HMGA1: variants seen among roughly 807,000 people sequenced by gnomAD.
HMGA1 encodes the protein high mobility group protein HMG-I/HMG-Y.
In HMGA1, 1 loss-of-function variant was observed where a neutral mutation model predicts 15.1. The observed-to-expected ratio is 0.07, with a 90% CI of 0.02 to 0.31. The LOEUF is 0.31. HMGA1 is among the 10% of genes least tolerant of loss of function. The probability of loss-of-function intolerance (pLI) is 1.00; values close to 1 mark genes in which losing one functional copy is unlikely to be tolerated. For missense variants in HMGA1, 94 were observed against 141.4 expected (o/e 0.66, Z 1.70); for synonymous variants, 56 against 54.8 (o/e 1.02, Z -0.10).
At chr6:34,237,429 T>A (rs1447757165) in intron 2 of HMGA1, 112 bp downstream of exon 2, 1 of 140,814 alleles carries the variant, frequency 7.1e-6, no homozygotes, top group Admixed American at 7.0e-5. Flanking sequence ...CGCCGCCGGC[T>A]TTATTCCCAG....
chr6:34,238,442 A>G lies in HMGA1; in HGVS notation c.-45+1125A>G, dbSNP rs146816571. Among the ~76,000 whole-genome samples, 1,001 of 152,286 alleles carry G rather than the reference A, an allele frequency of 6.6e-3. 14 individuals carry two copies. Among genetic ancestry groups the G allele is most frequent in the African/African-American group, 0.022 (924 of 41,562 alleles). ...GGAACCTACTTCTTCCTGCTCGCCA[A>G]CTTGCTGTGTGACCTTAGGCAACTC... On this transcript the variant is annotated intron_variant, in intron 2 of 5. Transcript: ENST00000311487.
chr6:34,236,988 CTTCT>C (rs1347113705), intron 1 of HMGA1, 25 bp downstream of exon 1: 1 of 152,284 alleles, frequency 6.6e-6, no homozygotes, highest in Non-Finnish European at 1.5e-5. Flanking sequence ...GCTCCGGTGG[CTTCT>C]TTTTTTTATA....
At chr6:34,239,005 G>T (rs1455830561) in intron 2 of HMGA1, 1 of 152,156 alleles carries the variant, frequency 6.6e-6, no homozygotes, top group Non-Finnish European at 1.5e-5. Context: ...TTTGAAGGGG[G>T]ACCTGTGGTG....
chr6:34,243,261 C>T (rs570157283), intron 4 of HMGA1, among the ~76,000 whole-genome samples: 6 of 151,836 alleles, frequency 4.0e-5, no homozygotes, highest in South Asian at 2.1e-4. Context: ...GAGTCATGGG[C>T]GGAGGTGGGA....
chr6:34,242,228 AG>A (rs1438771076), intron 3 of HMGA1, among the ~76,000 whole-genome samples: 1 of 152,180 alleles, frequency 6.6e-6, no homozygotes, highest in Non-Finnish European at 1.5e-5. Context: ...AAGTGCAGGC[AG>A]GGAGTGTGTG....
chr6:34,240,620 G>A (rs1208117009), intron 2 of HMGA1, 117 bp from the exon 3 acceptor site: 28 of 820,754 alleles, frequency 3.4e-5, no homozygotes, highest in Non-Finnish European at 5.2e-5. Context: ...AGAGTAGGAG[G>A]CCTGGGGGCC....
At chr6:34,240,352 A>G (rs945845791) in intron 2 of HMGA1, among the ~76,000 whole-genome samples, 2 of 152,118 alleles carry the variant, frequency 1.3e-5, no homozygotes, top group African/African-American at 4.8e-5. Flanking sequence ...GCAGTTGACT[A>G]CAGAAGGAGG....
chr6:34,242,689 G>A (rs781000875), intron 3 of HMGA1, 23 bp from the exon 4 acceptor site: 11 of 1,527,108 alleles, frequency 7.2e-6, no homozygotes, highest in Middle Eastern at 3.8e-4. Context: ...GACTGTCCCT[G>A]ACTACCCCCT....
intron 4 of HMGA1, 93 bp from the exon 5 acceptor site, chr6:34,243,375 C>T (rs1165543390): frequency 1.0e-6 from 1 of 961,310 alleles, no homozygotes; most frequent in Non-Finnish European, 1.6e-6. Flanking sequence ...TCACCCTGAA[C>T]AGGCAGGTAG....
rs1489010548 is a variant in HMGA1 at position 34,244,739 on chromosome 6, CCAGGGAGTG to C, written c.271-84_271-76del. On this transcript the variant is annotated intron_variant, in intron 5 of 5. Transcript: ENST00000311487. Reference sequence around the variant, plus strand: ...CCTGACTCATCCCTCTTCAGGAGAGCCAGGGAGTGCAGGGAGCGGGTGGGGCCAGCCTCT... The same window carrying C: ...CCTGACTCATCCCTCTTCAGGAGAGCCAGGGAGCGGGTGGGGCCAGCCTCT... The C allele has an allele frequency of 1.7e-5, 17 of 1,022,078 alleles. No homozygotes were observed. The African/African-American group carries it at 2.4e-4, about 14-fold the overall frequency. 63.3% of individuals were successfully genotyped at this position (1,022,078 alleles called of 1,614,324 possible). A position where few individuals can be genotyped will look rare whatever the true frequency, so the allele number is the denominator to read the frequency against.
At position 34,242,779 on chromosome 6, in the gene HMGA1, G is replaced by T; in HGVS notation, c.203G>T (p.Gly68Val). 6.3e-7 allele frequency: 1 copy of T among 1,589,982 alleles called. No homozygotes were observed. The highest frequency in any genetic ancestry group is 1.1e-5 in the South Asian group (1 of 87,824). ...RGRPKGSKNK[G>V]AAKTRKTTTT... ...CGACCAAAGGGAAGCAAAAACAAGG[G>T]TGCTGCCAAGACCCGGGTGAGACTT... The change falls in exon 4 of 6, where the codon GGT (glycine) becomes GTT (valine). Residue 68 changes from glycine to valine, a missense_variant. Coordinates refer to ENST00000311487, the MANE Select transcript of HMGA1 (RefSeq NM_145899.3).
chr6:34,243,396 C>T, intron 4 of HMGA1, 72 bp from the exon 5 acceptor site: 1 of 1,187,942 alleles, frequency 8.4e-7, no homozygotes, highest in Middle Eastern at 2.7e-4. Context: ...GTCTGCCCCC[C>T]ATCACTATTG....
At position 34,239,950 on chromosome 6, in the gene HMGA1, T is replaced by A. The variant is rs183778437; in HGVS notation, c.-44-787T>A. ...AGGCGGTGCATTTCAGTTGGAGAAT[T>A]CCCTACCCATCTGACAAAGTCCCAT... On this transcript the variant is annotated intron_variant, in intron 2 of 5. Coordinates refer to ENST00000311487, the MANE Select transcript of HMGA1 (RefSeq NM_145899.3). 5.5e-3 allele frequency among the ~76,000 whole-genome samples: 834 copies of A among 152,154 alleles called. 9 individuals carry two copies. The highest frequency in any genetic ancestry group is 0.024 in the Middle Eastern group (7 of 294).
At chr6:34,243,395 C>G (rs1215341797) in intron 4 of HMGA1, 73 bp from the exon 5 acceptor site, 2 of 1,174,654 alleles carry the variant, frequency 1.7e-6, no homozygotes, top group East Asian at 2.4e-5. Flanking sequence ...GGTCTGCCCC[C>G]CATCACTATT....
chr6:34,243,557 CTT>C, intron 5 of HMGA1, 39 bp downstream of exon 5: 1 of 1,458,878 alleles, frequency 6.9e-7, no homozygotes, highest in Non-Finnish European at 9.2e-7. Context: ...CTCCTGGGCT[CTT>C]TTGAGTTGAG....
Position 34,245,176 on chromosome 6 carries a change from T to G in HMGA1, c.*292T>G, listed in dbSNP as rs1169285970. ...CTCCTGGACAAGGCTAACATCCCAC[T>G]TAGCCGCACCCTGCACCTGCTGCGT... is the stretch of plus-strand genomic sequence containing the variant. On this transcript the variant is annotated 3_prime_UTR_variant, in exon 6 of 6. Transcript: ENST00000311487. 1 of 1,434,358 alleles carries G rather than the reference T, an allele frequency of 7.0e-7. No homozygotes were observed. Among genetic ancestry groups the G allele is most frequent in the Non-Finnish European group, 9.2e-7 (1 of 1,082,128 alleles). The allele number at this position is 1,434,358 out of a possible 1,614,324, so 88.9% of individuals were successfully genotyped here.
intron 3 of HMGA1, 135 bp downstream of exon 3, chr6:34,241,050 C>A: frequency 2.0e-6 from 2 of 1,022,454 alleles, no homozygotes; most frequent in Non-Finnish European, 3.0e-6. Flanking sequence ...GGTGTGTCCT[C>A]CCACCTGTGT....
At chr6:34,242,871 G>A in intron 4 of HMGA1, 76 bp downstream of exon 4, 4 of 1,133,842 alleles carry the variant, frequency 3.5e-6, no homozygotes, top group Non-Finnish European at 5.2e-6. Context: ...GGCCACGGCT[G>A]TGGGGAGGTC....
intron 2 of HMGA1, among the ~76,000 whole-genome samples, chr6:34,239,319 G>C (rs1187169658): frequency 6.6e-6 from 1 of 150,932 alleles, no homozygotes; most frequent in Non-Finnish European, 1.5e-5. Flanking sequence ...GTATTGTCCA[G>C]GCTGGTCTCG....
Sources: gnomAD v4.1 joint callset for allele counts (sites outside exome capture counted in the v4.1 genomes callset) on GRCh38, gnomAD v4.1.1 for gene constraint, MANE v1.5 for transcripts, NCBI Gene and HGNC (gene_info 2026-07-23, HGNC 2026-07-21) for gene names.